Variants in NACA observed in about 807,000 individuals in gnomAD.
The protein encoded by NACA is nascent polypeptide-associated complex subunit alpha.
NACA carries 42 observed loss-of-function variants against 86.4 expected under a neutral mutation model. That is an observed-to-expected ratio of 0.49 (90% CI 0.38 to 0.63). The LOEUF (loss-of-function observed/expected upper bound fraction) is 0.63, where lower values mean the gene tolerates loss of function less well. Ranked by LOEUF, NACA falls within the 20% of genes least tolerant of loss-of-function variation. The probability of loss-of-function intolerance (pLI) is 0.00; values close to 1 mark genes in which losing one functional copy is unlikely to be tolerated. For missense variants in NACA, 2,157 were observed against 2,483.6 expected (o/e 0.87, Z 2.80); for synonymous variants, 898 against 973.7 (o/e 0.92, Z 1.45).
Position 56,719,224 on chromosome 12 carries a change from T to G in NACA, c.2306A>C (p.Glu769Ala). 6.6e-7 allele frequency: 1 copy of G among 1,505,900 alleles called. No individual in the cohort carries two copies. Among genetic ancestry groups the G allele is most frequent in the East Asian group, 2.7e-5 (1 of 36,704 alleles). 93.3% of individuals were successfully genotyped at this position (1,505,900 alleles called of 1,614,324 possible). A position where few individuals can be genotyped will look rare whatever the true frequency, so the allele number is the denominator to read the frequency against. ...ALAPVASSPK[E>A]CPTEDSGASA... ...AGCACCAGAGTCCTCAGTTGGGCAC[T>G]CTTTGGGAGAGGAAGCAACAGGTGC... is the stretch of plus-strand genomic sequence containing the variant. The change falls in exon 3 of 9, where the codon GAG becomes GCG. Residue 769 changes from glutamate (E) to alanine (A), a missense_variant. This residue lies in a region of NACA where 947 missense variants were observed against 917.9 expected (regional missense o/e 1.03). Coordinates refer to ENST00000454682, the MANE Select transcript of NACA (RefSeq NM_001365896.1).
chr12:56,715,202 A>C (rs1317339765), intron 3 of NACA, among the ~76,000 whole-genome samples: 1 of 152,216 alleles, frequency 6.6e-6, no homozygotes, highest in Non-Finnish European at 1.5e-5. Flanking sequence ...CTCATTTTCA[A>C]ACCATTCACC....
At chr12:56,724,621 T>C (rs1953662632) in intron 1 of NACA, 98 bp from the exon 2 acceptor site, 3 of 1,334,318 alleles carry the variant, frequency 2.2e-6, no homozygotes, top group South Asian at 1.3e-5. Flanking sequence ...AGGAGGGCTG[T>C]TAGAAAAAAA....
At chr12:56,713,361 C>T (rs1446305890) in intron 6 of NACA, 171 bp from the exon 7 acceptor site, 2 of 1,205,766 alleles carry the variant, frequency 1.7e-6, no homozygotes, top group African/African-American at 1.5e-5. Flanking sequence ...CAGTGGTTCT[C>T]AACTAGGGGG....
chr12:56,713,722 T>C (rs575877258), intron 5 of NACA, 39 bp from the exon 6 acceptor site: 20 of 1,596,752 alleles, frequency 1.3e-5, no homozygotes, highest in East Asian at 2.2e-5. Flanking sequence ...TCAACCTCTT[T>C]AGAAGCAGCC....
chr12:56,712,715 C>T, intron 8 of NACA, 71 bp downstream of exon 8: 1 of 1,607,478 alleles, frequency 6.2e-7, no homozygotes, highest in Non-Finnish European at 8.5e-7. Flanking sequence ...TGATATTTAG[C>T]AAGACAAAAT....
chr12:56,721,143 C>T lies in NACA; in HGVS notation c.387G>A (p.Gly129=), dbSNP rs1285398265. 1.2e-6 allele frequency: 2 copies of T among 1,613,760 alleles called. No homozygotes were observed. The highest frequency in any genetic ancestry group is 2.2e-5 in the South Asian group (2 of 91,070). ...CTAAGGGAGCTGAAGAGGAAGGGGT[C>T]CCTTTCAGAGTTGGAGCTATCATGG... ...ASPMIAPTLK[G]TPSSSAPLAL... Residue 129 remains glycine, a synonymous_variant, in exon 3 of 9, where the codon GGG becomes GGA. Transcript: ENST00000454682.
rs758729928 is a variant in NACA at position 56,720,964 on chromosome 12, T to C, written c.566A>G (p.Asn189Ser). The C allele has an allele frequency of 1.2e-6, 2 of 1,613,956 alleles. No homozygotes were observed. Among genetic ancestry groups the C allele is most frequent in the Non-Finnish European group, 1.7e-6 (2 of 1,179,878 alleles). ...AGGGACTACCTCAGAGGGAACTTTA[T>C]TAAGATTAGTCTTTGGTTCTGAGGG... ...IAPSEPKTNL[N>S]KVPSEVVPNP... Residue 189 changes from asparagine to serine, a missense_variant, in exon 3 of 9, where the codon AAT becomes AGT. Around this residue, in one of 8 missense-constraint regions of NACA, gnomAD observed 947 missense variants for 917.9 expected, o/e 1.03. Transcript: ENST00000454682.
rs1565899191 is a variant in NACA, at chr12:56,721,389, A to AG, written c.140dup (p.Pro48SerfsTer15). ...ACTGTTGTGGGGCAGGAGAGCAAGG[A>AG]GGGGGGAGGGTAGGTCCAGGCTGCC... On this transcript the variant is annotated frameshift_variant, in exon 3 of 9. Coordinates refer to ENST00000454682, the MANE Select transcript of NACA (RefSeq NM_001365896.1). LOFTEE classifies it high-confidence loss of function. 4.1e-6 allele frequency: 6 copies of AG among 1,470,640 alleles called. No homozygotes were observed. Among genetic ancestry groups the AG allele is most frequent in the Non-Finnish European group, 4.5e-6 (5 of 1,103,474 alleles). 91.1% of individuals were successfully genotyped at this position (1,470,640 alleles called of 1,614,324 possible).
chr12:56,716,862 G>C lies in NACA; in HGVS notation c.4668C>G (p.Pro1556=). The change falls in exon 3 of 9, where the codon CCC becomes CCG. Residue 1556 remains proline, a synonymous_variant. Coordinates refer to ENST00000454682, the MANE Select transcript of NACA (RefSeq NM_001365896.1). ...GAATTGCTGGGGTCTTTTTAGGGGA[G>C]GGAACAGTCATAGCTGGGGGAATGA... ...EALIPPAMTV[P]SPKKTPAIPT... is the part of the protein sequence containing the mutation. 7.5e-7 allele frequency: 1 copy of C among 1,334,918 alleles called. No homozygotes were observed. Among genetic ancestry groups the C allele is most frequent in the Non-Finnish European group, 9.8e-7 (1 of 1,020,940 alleles). The allele number at this position is 1,334,918 out of a possible 1,614,324, so 82.7% of individuals were successfully genotyped here.
chr12:56,716,725 G>A lies in NACA; in HGVS notation c.4805C>T (p.Pro1602Leu). The change falls in exon 3 of 9, where the codon CCA (proline) becomes CTA (leucine). Residue 1602 changes from proline to leucine, a missense_variant. Coordinates refer to ENST00000454682, the MANE Select transcript of NACA (RefSeq NM_001365896.1). ...GAPSPKELLIPPAVTSPSPKE... is the reference protein window; with the variant it reads ...GAPSPKELLILPAVTSPSPKE... ...GGGGGAAGGAGAAGTCACAGCTGGT[G>A]GAATGAGGAGCTCTTTGGGGGATGG... The A allele has an allele frequency of 7.1e-7, 1 of 1,400,992 alleles. No individual in the cohort carries two copies. The highest frequency in any genetic ancestry group is 9.5e-7 in the Non-Finnish European group (1 of 1,052,764). The allele number at this position is 1,400,992 out of a possible 1,614,324, so 86.8% of individuals were successfully genotyped here. A position where few individuals can be genotyped will look rare whatever the true frequency, so the allele number is the denominator to read the frequency against.
intron 6 of NACA, 90 bp from the exon 7 acceptor site, chr12:56,713,280 TCAGGTAACTTATTGTA>T: frequency 6.7e-7 from 1 of 1,482,828 alleles, no homozygotes; most frequent in South Asian, 1.2e-5. Flanking sequence ...GTAAACCCAT[TCAGGTAACTTATTGTA>T]CAGCTTTAAA....
At chr12:56,712,756 G>A (rs761834240) in intron 8 of NACA, 30 bp downstream of exon 8, 2 of 1,614,048 alleles carry the variant, frequency 1.2e-6, no homozygotes, top group African/African-American at 1.3e-5. Flanking sequence ...AGGGCAGAGG[G>A]AGTCAAGGAA....
chr12:56,720,719 T>A lies in NACA; in HGVS notation c.811A>T (p.Ser271Cys), dbSNP rs781344393. 6.2e-7 allele frequency: 1 copy of A among 1,613,940 alleles called. No homozygotes were observed. The highest frequency in any genetic ancestry group is 1.1e-5 in the South Asian group (1 of 91,084). Reference sequence around the variant, plus strand: ...GAAAGAGATAAGGCAGCAGGTGGACTAACAGGCCCCTTCAGGCTGAGGCTT... The same window carrying A: ...GAAAGAGATAAGGCAGCAGGTGGACAAACAGGCCCCTTCAGGCTGAGGCTT... ...PGSLSLKGPVSPPAALSLSTQ... is the reference protein window; with the variant it reads ...PGSLSLKGPVCPPAALSLSTQ... Residue 271 changes from serine (S) to cysteine (C), a missense_variant, in exon 3 of 9, where the codon AGT (serine) becomes TGT (cysteine). By Grantham distance (112) the Ser-to-Cys change is moderately radical. Around this residue, in one of 8 missense-constraint regions of NACA, gnomAD observed 947 missense variants for 917.9 expected, o/e 1.03. Coordinates refer to ENST00000454682, the MANE Select transcript of NACA (RefSeq NM_001365896.1).
rs766258158 is a variant in NACA, at chr12:56,712,565, A to G, written c.6223-13T>C. On this transcript the variant is annotated splice_polypyrimidine_tract_variant and intron_variant, in intron 8 of 8. Transcript: ENST00000454682. ...ACATTGTTAATTCCTGTAACAGAGA[A>G]AAGATAATTAGCGGTTCTTATAGGC... The G allele has an allele frequency of 6.2e-7, 1 of 1,613,602 alleles. No homozygotes were observed. The highest frequency in any genetic ancestry group is 1.1e-5 in the South Asian group (1 of 91,000).
Position 56,718,588 on chromosome 12 carries a change from G to A in NACA, c.2942C>T (p.Ser981Phe). Residue 981 changes from serine (S) to phenylalanine (F), a missense_variant, in exon 3 of 9, where the codon TCC (serine) becomes TTC (phenylalanine). Physicochemically the swap from Ser to Phe is radical, Grantham distance 155. Around this residue, in one of 8 missense-constraint regions of NACA, gnomAD observed 124 missense variants for 186.5 expected, o/e 0.66. Transcript: ENST00000454682. The stretch of plus-strand genomic sequence containing the variant: ...TGGGGGTGTGGGGGCCCCTTTGGGG[G>A]ATGGAGTAGCTGGACCTCCTTTTGG... ...PSPKGGPATP[S>F]PKGAPTPPAA... 2 of 1,317,712 alleles carry A rather than the reference G, an allele frequency of 1.5e-6. No individual in the cohort carries two copies. Among genetic ancestry groups the A allele is most frequent in the Non-Finnish European group, 2.0e-6 (2 of 1,014,994 alleles). 81.6% of individuals were successfully genotyped at this position (1,317,712 alleles called of 1,614,324 possible).
Position 56,719,443 on chromosome 12 carries a change from G to GT in NACA, c.2086dup (p.Thr696AsnfsTer34), listed in dbSNP as rs1355585006. On this transcript the variant is annotated frameshift_variant, in exon 3 of 9. Transcript: ENST00000454682. LOFTEE classifies it high-confidence loss of function. ...AGCTGTAGGAACCAAGGGTAAAGTA[G>GT]TAAGAGTACCTTCCTTAACTGGGTG... 6.2e-7 allele frequency: 1 copy of GT among 1,613,234 alleles called. No individual in the cohort carries two copies. Among genetic ancestry groups the GT allele is most frequent in the Non-Finnish European group, 8.5e-7 (1 of 1,179,612 alleles).
At chr12:56,714,891 C>T (rs1167355582) in intron 3 of NACA, 1 of 577,322 alleles carries the variant, frequency 1.7e-6, no homozygotes, top group Non-Finnish European at 3.1e-6. Context: ...AAGACCCAGC[C>T]CTAACCCCAG....
rs1953530313 is a variant in NACA, at chr12:56,720,135, AG to A, written c.1394del (p.Pro465LeufsTer8). On this transcript the variant is annotated frameshift_variant, in exon 3 of 9. Coordinates refer to ENST00000454682, the MANE Select transcript of NACA (RefSeq NM_001365896.1). LOFTEE classifies it high-confidence loss of function. ...TACTTATGGGACCTGATGACATTGGAGGAGAAACACAAGTAGCTACCTCAAA... is the reference window on the plus strand; with the variant it reads ...TACTTATGGGACCTGATGACATTGGAGAGAAACACAAGTAGCTACCTCAAA... Reference protein sequence around the residue: ...TTFEVATCVSPPMSSGPISNI... With the variant: ...TTFEVATCVSXPMSSGPISNI... 1 of 1,613,782 alleles carries A rather than the reference AG, an allele frequency of 6.2e-7. No homozygotes were observed. Among genetic ancestry groups the A allele is most frequent in the Non-Finnish European group, 8.5e-7 (1 of 1,179,870 alleles).
chr12:56,714,337 T>C, intron 5 of NACA, 25 bp downstream of exon 5: 1 of 1,610,472 alleles, frequency 6.2e-7, no homozygotes, highest in African/African-American at 1.3e-5. Flanking sequence ...CTTCATAAGA[T>C]CCTGAAATCC....
Sources: gnomAD v4.1 joint callset for allele counts (sites outside exome capture counted in the v4.1 genomes callset) on GRCh38, gnomAD v4.1.1 for gene constraint, gnomAD v4.1.1 regional missense constraint, MANE v1.5 for transcripts, NCBI Gene and HGNC (gene_info 2026-07-23, HGNC 2026-07-21) for gene names.